SPHKAP: variants seen among roughly 807,000 people sequenced by gnomAD.
SPHKAP encodes the protein A-kinase anchor protein SPHKAP.
SPHKAP carries 67 observed loss-of-function variants against 137.5 expected under a neutral mutation model. The observed-to-expected ratio is 0.49, with a 90% CI of 0.40 to 0.60. SPHKAP has a LOEUF of 0.60. SPHKAP is among the 20% of genes least tolerant of loss of function. SPHKAP has a pLI of 0.00. For synonymous variants in SPHKAP, 813 were observed against 785.3 expected, an observed-to-expected ratio of 1.04 and a Z score of -0.59; for missense variants, 2,097 against 2,069.3, an observed-to-expected ratio of 1.01 and a Z score of -0.26.
At chr2:228,124,721 TTAAAGTATAAAAAGAAAAAAG>T (rs140271397) in intron 2 of SPHKAP, among the ~76,000 whole-genome samples, 46,293 of 151,162 alleles carry the variant, frequency 0.31, 7,881 homozygotes, top group East Asian at 0.5. Context: ...ACCCTAAAAC[TTAAAGTATAAAAAGAAAAAAG>T]TCTCTAGAGA....
chr2:228,144,571 T>G (rs1308494458), intron 1 of SPHKAP, among the ~76,000 whole-genome samples: 1 of 151,998 alleles, frequency 6.6e-6, no homozygotes, highest in South Asian at 2.1e-4. Flanking sequence ...ATATTTAATA[T>G]ATACTATTTT....
intron 11 of SPHKAP, among the ~76,000 whole-genome samples, chr2:227,984,334 A>G (rs1693133530): frequency 6.6e-6 from 1 of 151,324 alleles, no homozygotes; most frequent in Admixed American, 6.6e-5. Flanking sequence ...AAAGAAAAAA[A>G]TTTTCAAAGA....
chr2:228,017,739 C>A lies in SPHKAP; in HGVS notation c.3115G>T (p.Ala1039Ser), dbSNP rs1033942355. 2 of 1,614,084 alleles carry A rather than the reference C, an allele frequency of 1.2e-6. No individual in the cohort carries two copies. Among genetic ancestry groups the A allele is most frequent in the Non-Finnish European group, 1.7e-6 (2 of 1,180,028 alleles). The change falls in exon 7 of 12, where the codon GCC (alanine) becomes TCC (serine). Residue 1039 changes from alanine (A) to serine (S), a missense_variant. Coordinates refer to ENST00000392056, the MANE Select transcript of SPHKAP (RefSeq NM_001142644.2). ...ATGATCTTGGCTGCCACTTCATTGG[C>A]AAAAAGATTGACAGAATCTGGGACA... Reference protein sequence around the residue: ...EDVPDSVNLFANEVAAKIMNL... With the variant: ...EDVPDSVNLFSNEVAAKIMNL...
At chr2:228,130,839 G>A (rs949281546) in intron 2 of SPHKAP, among the ~76,000 whole-genome samples, 2 of 152,062 alleles carry the variant, frequency 1.3e-5, no homozygotes. Flanking sequence ...CAATTCCTTT[G>A]TAGGAATTTA....
At chr2:227,998,623 G>T (rs937358851) in intron 7 of SPHKAP, among the ~76,000 whole-genome samples, 3 of 152,134 alleles carry the variant, frequency 2.0e-5, no homozygotes, top group Non-Finnish European at 2.9e-5. Flanking sequence ...CTCAGTGAAG[G>T]AATTGCCTTG....
rs771074254 is a variant in SPHKAP, at chr2:228,004,861, T to G, written c.4449-9167A>C. 1.1e-4 allele frequency among the ~76,000 whole-genome samples: 16 copies of G among 152,238 alleles called. No individual in the cohort carries two copies. In the East Asian group the frequency reaches 1.7e-3, roughly 17 times the overall value. ...CGTTGTTCAGTTTCCATGTAGTTGA[T>G]TGGTTTTGAGTGAGTTTCTTAATCC... On this transcript the variant is annotated intron_variant, in intron 7 of 11. Coordinates refer to ENST00000392056, the MANE Select transcript of SPHKAP (RefSeq NM_001142644.2).
At position 228,017,705 on chromosome 2, in the gene SPHKAP, G is replaced by C. The variant is rs769323258; in HGVS notation, c.3149C>G (p.Thr1050Arg). 6.2e-6 allele frequency: 10 copies of C among 1,613,884 alleles called. No homozygotes were observed. Among genetic ancestry groups the C allele is most frequent in the Non-Finnish European group, 8.5e-6 (10 of 1,180,026 alleles). ...CATGCCGTCCACCATAGAGAACTCC[G>C]TTAGGTTCATGATCTTGGCTGCCAC... ...NEVAAKIMNL[T>R]EFSMVDGMWQ... The change falls in exon 7 of 12, where the codon ACG becomes AGG. Residue 1050 changes from threonine to arginine, a missense_variant. Transcript: ENST00000392056.
At chr2:227,983,749 G>T (rs558578351) in intron 11 of SPHKAP, among the ~76,000 whole-genome samples, 2 of 152,316 alleles carry the variant, frequency 1.3e-5, no homozygotes, top group Admixed American at 1.3e-4. Context: ...TCTTGAGGCT[G>T]TTGCTCGATA....
intron 3 of SPHKAP, among the ~76,000 whole-genome samples, chr2:228,083,840 C>T (rs1697449320): frequency 6.6e-6 from 1 of 151,962 alleles, no homozygotes; most frequent in Non-Finnish European, 1.5e-5. Context: ...GAACAGAAAA[C>T]CAAACACCAC....
At chr2:228,069,445 C>CTTTTTTTTTTTT (rs1250162411) in intron 3 of SPHKAP, among the ~76,000 whole-genome samples, 3 of 81,490 alleles carry the variant, frequency 3.7e-5, no homozygotes, top group African/African-American at 1.4e-4. Context: ...TTCTTTCTTT[C>CTTTTTTTTTTTT]TTTCTTTTTT....
intron 1 of SPHKAP, among the ~76,000 whole-genome samples, chr2:228,171,670 C>A (rs1030236146): frequency 3.9e-5 from 6 of 152,104 alleles, no homozygotes; most frequent in African/African-American, 1.4e-4. Flanking sequence ...GTATCTACTT[C>A]CTAGCATGTC....
intron 11 of SPHKAP, among the ~76,000 whole-genome samples, chr2:227,988,397 T>G (rs1693293654): frequency 6.6e-6 from 1 of 152,210 alleles, no homozygotes; most frequent in Non-Finnish European, 1.5e-5. Context: ...GAATGTCTAT[T>G]TTCTCAGAAA....
intron 1 of SPHKAP, among the ~76,000 whole-genome samples, chr2:228,173,440 A>G (rs1195816076): frequency 6.6e-6 from 1 of 152,236 alleles, no homozygotes; most frequent in Admixed American, 6.5e-5. Flanking sequence ...TATAAAGATT[A>G]TGCTGGATTA....
Position 227,991,338 on chromosome 2 carries a change from A to G in SPHKAP, c.4722-12T>C. On this transcript the variant is annotated splice_polypyrimidine_tract_variant and intron_variant, in intron 9 of 11. Coordinates refer to ENST00000392056, the MANE Select transcript of SPHKAP (RefSeq NM_001142644.2). Reference sequence around the variant, plus strand: ...CTTCTACTAATTCACTTTGGGAGAAAACAACAGTATATGGTTGGTAATGTT... The same window carrying G: ...CTTCTACTAATTCACTTTGGGAGAAGACAACAGTATATGGTTGGTAATGTT... The G allele has an allele frequency of 6.2e-7, 1 of 1,614,192 alleles. No individual in the cohort carries two copies. Among genetic ancestry groups the G allele is most frequent in the East Asian group, 2.2e-5 (1 of 44,882 alleles).
chr2:228,060,578 T>A (rs1696599640), intron 3 of SPHKAP, among the ~76,000 whole-genome samples: 1 of 152,240 alleles, frequency 6.6e-6, no homozygotes, highest in African/African-American at 2.4e-5. Context: ...TGTCTTTTTC[T>A]GTAGCCAAAC....
intron 3 of SPHKAP, among the ~76,000 whole-genome samples, chr2:228,029,529 T>G (rs1695200921): frequency 6.6e-6 from 1 of 152,154 alleles, no homozygotes. Flanking sequence ...AATAACTTGA[T>G]GGGCATTAGG....
intron 3 of SPHKAP, among the ~76,000 whole-genome samples, chr2:228,069,524 G>A (rs1348411005): frequency 2.0e-5 from 3 of 149,210 alleles, no homozygotes; most frequent in Admixed American, 6.7e-5. Context: ...GGCTTCAAGA[G>A]AGCCTTCTGC....
At chr2:228,126,146 T>C (rs1480211495) in intron 2 of SPHKAP, among the ~76,000 whole-genome samples, 1 of 152,092 alleles carries the variant, frequency 6.6e-6, no homozygotes. Context: ...TAAATATAAT[T>C]CAAGGGATTC....
chr2:228,023,552 T>G (rs943740842), intron 5 of SPHKAP, among the ~76,000 whole-genome samples: 8 of 152,358 alleles, frequency 5.3e-5, no homozygotes, highest in African/African-American at 1.7e-4. Flanking sequence ...TAAGCAGAAG[T>G]TGGCTTAATT....
Sources: gnomAD v4.1 joint callset for allele counts (sites outside exome capture counted in the v4.1 genomes callset) on GRCh38, gnomAD v4.1.1 for gene constraint, MANE v1.5 for transcripts, NCBI Gene and HGNC (gene_info 2026-07-23, HGNC 2026-07-21) for gene names.